The following TCF3 variants were observed in gnomAD, a reference collection of about 807,000 sequenced individuals.
TCF3 encodes the protein transcription factor E2-alpha.
A neutral mutation model predicts 72.3 loss-of-function variants in TCF3; 54 were observed. The ratio of observed to expected loss-of-function variants is 0.75; its 90% CI spans 0.60 to 0.94. The LOEUF (loss-of-function observed/expected upper bound fraction) is 0.94. TCF3 is among the 40% of genes least tolerant of loss of function. The probability of loss-of-function intolerance (pLI) is 0.00; values close to 1 mark genes in which losing one functional copy is unlikely to be tolerated. For missense variants in TCF3, 1,078 were observed against 934.4 expected (o/e 1.15, Z -2.00); for synonymous variants, 525 against 412.6 (o/e 1.27, Z -3.30).
intron 1 of TCF3, 64 bp from the exon 2 acceptor site, chr19:1,650,351 G>A (rs117161937): frequency 0.018 from 22,380 of 1,257,546 alleles, 262 homozygotes; most frequent in Non-Finnish European, 0.021. Flanking sequence ...AGTTGTGAGT[G>A]GTCAAAGCAC....
At chr19:1,647,055 G>A (rs1397025728) in intron 2 of TCF3, among the ~76,000 whole-genome samples, 2 of 152,190 alleles carry the variant, frequency 1.3e-5, no homozygotes, top group Admixed American at 6.5e-5. Context: ...AGGAAGACAC[G>A]GGATGGAGCC....
At chr19:1,639,050 G>T (rs2064863917) in intron 3 of TCF3, among the ~76,000 whole-genome samples, 1 of 152,132 alleles carries the variant, frequency 6.6e-6, no homozygotes, top group South Asian at 2.1e-4. Context: ...TTCAAGGGAG[G>T]TTTCTTTTTC....
Position 1,621,691 on chromosome 19 carries a change from A to T in TCF3, c.955+147T>A, listed in dbSNP as rs1168591583. 2.7e-6 allele frequency: 3 copies of T among 1,093,186 alleles called. No homozygotes were observed. The African/African-American group carries it at 4.8e-5, about 17-fold the overall frequency. 67.7% of individuals were successfully genotyped at this position (1,093,186 alleles called of 1,614,324 possible). A position where few individuals can be genotyped will look rare whatever the true frequency, so the allele number is the denominator to read the frequency against. On this transcript the variant is annotated intron_variant, in intron 11 of 18. Transcript: ENST00000262965. The stretch of plus-strand genomic sequence containing the variant: ...AACGCACGTGGCAGGCCCTGCAGAC[A>T]GCGGACAATGAGAACTGACAACAAC...
rs2061330799 is a variant in TCF3, at chr19:1,614,308, T to G, written c.1822+977A>C. ...AGACCAAACTGACAGGACCAGGGGCTGCGTGCTCCCGGGTCTGGTTTCTTC... is the reference window on the plus strand; with the variant it reads ...AGACCAAACTGACAGGACCAGGGGCGGCGTGCTCCCGGGTCTGGTTTCTTC... On this transcript the variant is annotated intron_variant, in intron 18 of 18. Transcript: ENST00000262965. The surrounding 1 kb of genome is among the most constrained non-coding windows in gnomAD (Gnocchi z 5.6). 6.6e-6 allele frequency among the ~76,000 whole-genome samples: 1 copy of G among 152,216 alleles called. No homozygotes were observed. Among genetic ancestry groups the G allele is most frequent in the Admixed American group, 6.5e-5 (1 of 15,288 alleles).
Position 1,623,970 on chromosome 19 carries a change from G to GGGACCTTCC in TCF3, c.521_529dup (p.Arg174_Val176dup). 1 of 1,613,512 alleles carries GGGACCTTCC rather than the reference G, an allele frequency of 6.2e-7. No individual in the cohort carries two copies. The highest frequency in any genetic ancestry group is 1.3e-5 in the African/African-American group (1 of 75,050). ...ACTCACCGAGGATGGAAGACCCGGC[G>GGGACCTTCC]GGACCTTCCGGACCTTCTTGGGCTG... is the stretch of plus-strand genomic sequence containing the variant. On this transcript the variant is annotated inframe_insertion, in exon 8 of 19. Transcript: ENST00000262965.
intron 5 of TCF3, among the ~76,000 whole-genome samples, chr19:1,629,767 A>C (rs907636557): frequency 2.0e-5 from 3 of 152,184 alleles, no homozygotes; most frequent in Admixed American, 6.5e-5. Context: ...AGTAATGTAC[A>C]TTATTCTCAA....
In TCF3 at chr19:1,644,686, T is replaced by C. The variant is rs542019874; in HGVS notation, c.145+1669A>G. Among the ~76,000 whole-genome samples, 5 of 152,008 alleles carry C rather than the reference T, an allele frequency of 3.3e-5. No individual in the cohort carries two copies. In the East Asian group the frequency reaches 7.8e-4, roughly 24 times the overall value. ...GGGAGAGGCAACCCAGAGGGAGCATTCTCAGGTCCACACGGCCTACACACC... is the reference window on the plus strand; with the variant it reads ...GGGAGAGGCAACCCAGAGGGAGCATCCTCAGGTCCACACGGCCTACACACC... On this transcript the variant is annotated intron_variant, in intron 3 of 18. Transcript: ENST00000262965.
rs200944840 is a variant in TCF3, at chr19:1,627,419, G to C, written c.306C>G (p.Ser102Arg). Residue 102 changes from serine (S) to arginine (R), a missense_variant, in exon 6 of 19, where the codon AGC becomes AGG. Ser to Arg is a moderately radical substitution (Grantham distance 110). Transcript: ENST00000262965. Reference sequence around the variant, plus strand: ...AGGAGGCATAGGCGCCCCGCTCACCGCTCTTGCCTGCAAGGGGAGAAGGAA... The same window carrying C: ...AGGAGGCATAGGCGCCCCGCTCACCCCTCTTGCCTGCAAGGGGAGAAGGAA... ...TFLGPGLGGK[S>R]GERGAYASFG... The C allele has an allele frequency of 6.2e-7, 1 of 1,611,806 alleles. No individual in the cohort carries two copies. The highest frequency in any genetic ancestry group is 1.1e-5 in the South Asian group (1 of 90,760).
chr19:1,623,719 G>A (rs1438436596), intron 8 of TCF3, among the ~76,000 whole-genome samples: 1 of 152,166 alleles, frequency 6.6e-6, no homozygotes. Flanking sequence ...TCAGCCACCA[G>A]GACTGCCTTT....
At chr19:1,619,527 G>A (rs957155627) in intron 14 of TCF3, 53 bp from the exon 15 acceptor site, 3 of 1,534,656 alleles carry the variant, frequency 2.0e-6, no homozygotes, top group African/African-American at 2.7e-5. Flanking sequence ...GACCCCACAG[G>A]CCTCCATTCA....
chr19:1,619,552 G>GC (rs1382908488), intron 14 of TCF3, 78 bp from the exon 15 acceptor site: 1 of 1,494,992 alleles, frequency 6.7e-7, no homozygotes, highest in African/African-American at 1.4e-5. Flanking sequence ...CCTTCCGCAT[G>GC]CAAGTGGCCG....
At position 1,615,249 on chromosome 19, in the gene TCF3, G is replaced by A. The variant is rs376717060; in HGVS notation, c.1822+36C>T. The A allele has an allele frequency of 8.6e-5, 133 of 1,543,152 alleles. No individual in the cohort carries two copies. Among genetic ancestry groups the A allele is most frequent in the Admixed American group, 1.7e-4 (9 of 53,270 alleles). On this transcript the variant is annotated intron_variant, in intron 18 of 18. Coordinates refer to ENST00000262965, the MANE Select transcript of TCF3 (RefSeq NM_003200.5). The surrounding 1 kb of genome is among the most constrained non-coding windows in gnomAD (Gnocchi z 7.3). ...GGGCAGGAACACGAGGGAGGGTGGCGCTGCAGGGACGCTGGTGGCCCGCGC... is the reference window on the plus strand; with the variant it reads ...GGGCAGGAACACGAGGGAGGGTGGCACTGCAGGGACGCTGGTGGCCCGCGC...
chr19:1,625,200 T>C (rs1357466936), intron 7 of TCF3, among the ~76,000 whole-genome samples: 2 of 152,236 alleles, frequency 1.3e-5, no homozygotes, highest in African/African-American at 2.4e-5. Flanking sequence ...CCAGTGCTCC[T>C]GAGCCCGAGG....
chr19:1,630,851 G>T (rs753787334), intron 5 of TCF3, among the ~76,000 whole-genome samples: 16 of 152,186 alleles, frequency 1.1e-4, no homozygotes, highest in African/African-American at 3.9e-4. Flanking sequence ...TGGGGCACAG[G>T]ACTTGACACT....
At chr19:1,613,653 C>T (rs1177777889) in intron 18 of TCF3, among the ~76,000 whole-genome samples, 1 of 152,166 alleles carries the variant, frequency 6.6e-6, no homozygotes, top group Admixed American at 6.5e-5. Flanking sequence ...AAACCCGGGA[C>T]TGGGGAGTCC....
At position 1,625,585 on chromosome 19, in the gene TCF3, C is replaced by A. The variant is rs369182124; in HGVS notation, c.490G>T (p.Gly164Cys). ...GCCAGACCCCGCTCACCTAGGCTGCCGTCTGCCGCTCTCCGCCGGGAGCTG... is the reference window on the plus strand; with the variant it reads ...GCCAGACCCCGCTCACCTAGGCTGCAGTCTGCCGCTCTCCGCCGGGAGCTG... ...SGSSRRRAAD[G>C]SLDTQPKKVR... The change falls in exon 7 of 19, where the codon GGC becomes TGC. Residue 164 changes from glycine (G) to cysteine (C), a missense_variant. Coordinates refer to ENST00000262965, the MANE Select transcript of TCF3 (RefSeq NM_003200.5). 1.3e-6 allele frequency: 2 copies of A among 1,584,602 alleles called. No homozygotes were observed. The highest frequency in any genetic ancestry group is 1.7e-6 in the Non-Finnish European group (2 of 1,168,476).
At chr19:1,640,114 G>A (rs1020539394) in intron 3 of TCF3, among the ~76,000 whole-genome samples, 6 of 152,184 alleles carry the variant, frequency 3.9e-5, no homozygotes, top group Admixed American at 3.3e-4. Context: ...GCCTCCCTGC[G>A]CAGGTGGAAA....
At chr19:1,637,131 TC>T (rs1397832962) in intron 3 of TCF3, among the ~76,000 whole-genome samples, 2 of 150,338 alleles carry the variant, frequency 1.3e-5, no homozygotes, top group African/African-American at 4.9e-5. Flanking sequence ...GGCAACCTCC[TC>T]CACCAGAAGC....
chr19:1,651,309 G>C (rs907975286), intron 1 of TCF3: 2 of 228,454 alleles, frequency 8.8e-6, no homozygotes, highest in Non-Finnish European at 8.7e-6. Flanking sequence ...AGGAGCCTCC[G>C]AGGTCGAGGG....
Sources: allele counts gnomAD v4.1 joint callset (sites outside exome capture counted in the v4.1 genomes callset), GRCh38; gene constraint gnomAD v4.1.1; non-coding constraint Gnocchi (gnomAD v3.1); transcripts MANE v1.5; gene names NCBI Gene and HGNC (gene_info 2026-07-23, HGNC 2026-07-21).